The following MACROD2 variants were observed in gnomAD, a reference collection of about 807,000 sequenced individuals.
MACROD2 encodes the protein ADP-ribose glycohydrolase MACROD2.
Under a neutral mutation model 70.4 loss-of-function variants are expected in MACROD2, and 36 were observed. The observed-to-expected ratio is 0.51, with a 90% CI of 0.39 to 0.68. The LOEUF is 0.68. Among genes scored for constraint, MACROD2 ranks in the 30% least tolerant of loss-of-function variants. The probability of loss-of-function intolerance (pLI) is 0.00; values close to 1 mark genes in which losing one functional copy is unlikely to be tolerated. For missense variants in MACROD2, 496 were observed against 538.4 expected, an observed-to-expected ratio of 0.92 and a Z score of 0.78; for synonymous variants, 172 against 178.8, an observed-to-expected ratio of 0.96 and a Z score of 0.30.
At chr20:14,904,273 A>T (rs1040989451) in intron 5 of MACROD2, among the ~76,000 whole-genome samples, 2 of 152,160 alleles carry the variant, frequency 1.3e-5, no homozygotes, top group African/African-American at 4.8e-5. Flanking sequence ...CTTGTATTCT[A>T]ATCTCTGGGG....
chr20:14,737,105 G>GT (rs1555823397), intron 5 of MACROD2, among the ~76,000 whole-genome samples: 1 of 151,972 alleles, frequency 6.6e-6, no homozygotes, highest in African/African-American at 2.4e-5. Context: ...CCTTCCCCTA[G>GT]CCCCCACCAC....
At chr20:14,610,965 C>T (rs1324581716) in intron 4 of MACROD2, among the ~76,000 whole-genome samples, 7 of 152,032 alleles carry the variant, frequency 4.6e-5, no homozygotes, top group Admixed American at 1.3e-4. Context: ...TATTAACAAA[C>T]GTTTTTGGTA....
At chr20:15,583,545 G>A (rs1223678999) in intron 8 of MACROD2, among the ~76,000 whole-genome samples, 1 of 152,206 alleles carries the variant, frequency 6.6e-6, no homozygotes, top group Non-Finnish European at 1.5e-5. Context: ...TTGCAGACAA[G>A]CCTTTATGCT....
intron 6 of MACROD2, among the ~76,000 whole-genome samples, chr20:15,346,755 G>A (rs932779692): frequency 6.6e-6 from 1 of 152,162 alleles, no homozygotes; most frequent in Non-Finnish European, 1.5e-5. Context: ...TACCTTCAGA[G>A]GTTAATAGGT....
At chr20:16,015,592 T>G (rs986302781) in intron 15 of MACROD2, among the ~76,000 whole-genome samples, 1 of 152,248 alleles carries the variant, frequency 6.6e-6, no homozygotes, top group Non-Finnish European at 1.5e-5. Context: ...TTTATTGGGA[T>G]TAATTAAGTT....
At chr20:15,521,000 G>A (rs905350897) in intron 8 of MACROD2, among the ~76,000 whole-genome samples, 2 of 152,210 alleles carry the variant, frequency 1.3e-5, no homozygotes, top group Non-Finnish European at 2.9e-5. Flanking sequence ...TGGCAAGTGG[G>A]TGTTTAAACC....
chr20:14,340,915 G>A (rs2083006451), intron 3 of MACROD2, among the ~76,000 whole-genome samples: 1 of 152,158 alleles, frequency 6.6e-6, no homozygotes, highest in Non-Finnish European at 1.5e-5. Flanking sequence ...AAAGTAGATT[G>A]GATTTGGAAT....
intron 3 of MACROD2, among the ~76,000 whole-genome samples, chr20:14,363,314 A>G (rs770789451): frequency 1.3e-5 from 2 of 152,118 alleles, no homozygotes; most frequent in Non-Finnish European, 2.9e-5. Context: ...CAGCTGTGGA[A>G]ATAGAGGAGT....
chr20:14,303,918 C>T (rs1207919882), intron 3 of MACROD2, among the ~76,000 whole-genome samples: 1 of 152,014 alleles, frequency 6.6e-6, no homozygotes, highest in African/African-American at 2.4e-5. Context: ...TCTTTTGTGT[C>T]AAATTCAACA....
chr20:14,320,116 C>T (rs2082645646), intron 3 of MACROD2, among the ~76,000 whole-genome samples: 2 of 152,140 alleles, frequency 1.3e-5, no homozygotes, highest in Admixed American at 6.6e-5. Context: ...CACATAGTCA[C>T]CTGTTCAAAG....
chr20:14,464,827 C>T (rs2084421206), intron 3 of MACROD2, among the ~76,000 whole-genome samples: 2 of 151,966 alleles, frequency 1.3e-5, no homozygotes, highest in African/African-American at 4.8e-5. Context: ...TGTTTAGTTT[C>T]CATGTAGTTG....
intron 6 of MACROD2, among the ~76,000 whole-genome samples, chr20:15,353,427 C>G (rs925884719): frequency 1.1e-3 from 161 of 152,226 alleles, no homozygotes; most frequent in Middle Eastern, 3.4e-3. Flanking sequence ...CAATACCATT[C>G]AGGACATAGG....
chr20:16,040,087 G>A (rs1179916744), intron 15 of MACROD2, among the ~76,000 whole-genome samples: 2 of 151,816 alleles, frequency 1.3e-5, no homozygotes, highest in African/African-American at 4.8e-5. Context: ...AATCTAAAAT[G>A]ACTTTGTTCT....
intron 6 of MACROD2, among the ~76,000 whole-genome samples, chr20:15,342,543 A>G (rs1259118323): frequency 1.3e-5 from 2 of 152,162 alleles, no homozygotes; most frequent in Non-Finnish European, 2.9e-5. Context: ...ACGGACAAAA[A>G]TGTATGGGAT....
At chr20:14,851,186 G>T (rs1278908860) in intron 5 of MACROD2, among the ~76,000 whole-genome samples, 1 of 152,066 alleles carries the variant, frequency 6.6e-6, no homozygotes, top group Non-Finnish European at 1.5e-5. Flanking sequence ...AGACTACACA[G>T]GTGAGTTTTT....
intron 8 of MACROD2, among the ~76,000 whole-genome samples, chr20:15,630,883 T>G (rs1472483854): frequency 6.6e-6 from 1 of 152,164 alleles, no homozygotes; most frequent in Non-Finnish European, 1.5e-5. Flanking sequence ...GGACAGGGAA[T>G]TTAAAGAGGG....
chr20:14,221,796 C>T (rs902782835), intron 3 of MACROD2, among the ~76,000 whole-genome samples: 1 of 152,110 alleles, frequency 6.6e-6, no homozygotes, highest in Non-Finnish European at 1.5e-5. Flanking sequence ...CAAAAACTAA[C>T]CCTATTAAAA....
chr20:15,873,416 A>G (rs1357452695), intron 9 of MACROD2, among the ~76,000 whole-genome samples: 1 of 152,192 alleles, frequency 6.6e-6, no homozygotes, highest in Non-Finnish European at 1.5e-5. Flanking sequence ...GGGTAACAAC[A>G]TTCATTTATT....
In MACROD2 at chr20:13,995,863, C is replaced by A; in HGVS notation, c.46+54C>A. 1 of 412,924 alleles carries A rather than the reference C, an allele frequency of 2.4e-6. No homozygotes were observed. Among genetic ancestry groups the A allele is most frequent in the Non-Finnish European group, 4.6e-6 (1 of 215,402 alleles). 25.6% of individuals were successfully genotyped at this position (412,924 alleles called of 1,614,324 possible). A position where few individuals can be genotyped will look rare whatever the true frequency, so the allele number is the denominator to read the frequency against. ...CGGGCGGTGGGGGTTAGGGTGGGGG[C>A]GGGGGTCAGGCTGTGTGTGCCGCGG... On this transcript the variant is annotated intron_variant, in intron 1 of 17. Transcript: ENST00000684519. This position sits in a 1 kb window ranked among gnomAD's most constrained non-coding sequence, Gnocchi z 4.3.
Sources: gnomAD v4.1 joint callset for allele counts (sites outside exome capture counted in the v4.1 genomes callset) on GRCh38, gnomAD v4.1.1 for gene constraint, Gnocchi (gnomAD v3.1) non-coding constraint, MANE v1.5 for transcripts, NCBI Gene and HGNC (gene_info 2026-07-23, HGNC 2026-07-21) for gene names.